The following PRKCQ variants were observed in gnomAD, a reference collection of about 807,000 sequenced individuals.
PRKCQ encodes protein kinase C theta type.
A neutral mutation model predicts 91.2 loss-of-function variants in PRKCQ; 41 were observed. That is an observed-to-expected ratio of 0.45 (90% CI 0.35 to 0.58). The LOEUF is 0.58. Among genes scored for constraint, PRKCQ ranks in the 20% least tolerant of loss-of-function variants. The pLI, the probability that PRKCQ is intolerant of heterozygous loss-of-function variation, is 0.00. For synonymous variants in PRKCQ, 307 were observed against 316.9 expected, an observed-to-expected ratio of 0.97 and a Z score of 0.33; for missense variants, 673 against 896.5, an observed-to-expected ratio of 0.75 and a Z score of 3.18.
intron 12 of PRKCQ, among the ~76,000 whole-genome samples, chr10:6,472,420 C>G (rs1836031908): frequency 6.6e-6 from 1 of 152,228 alleles, no homozygotes; most frequent in African/African-American, 2.4e-5. Context: ...TGTATTCACT[C>G]ATTGCCCGTT....
chr10:6,580,187 G>A (rs1288064307), intron 1 of PRKCQ, 24 bp downstream of exon 1: 1 of 152,962 alleles, frequency 6.5e-6, no homozygotes, highest in East Asian at 1.9e-4. Context: ...CCTCCCGGCG[G>A]CGGCGCGGGG....
At chr10:6,512,311 C>G (rs936907504) in intron 2 of PRKCQ, 1 of 152,234 alleles carries the variant, frequency 6.6e-6, no homozygotes, top group Non-Finnish European at 1.5e-5. Context: ...TGGTGCTGAT[C>G]TTTACCCATG....
At chr10:6,579,364 G>T (rs1461110347) in intron 1 of PRKCQ, among the ~76,000 whole-genome samples, 1 of 152,030 alleles carries the variant, frequency 6.6e-6, no homozygotes, top group Non-Finnish European at 1.5e-5. Flanking sequence ...CGTCCAGCCC[G>T]CACAGGGGCA....
intron 15 of PRKCQ, among the ~76,000 whole-genome samples, chr10:6,453,571 T>G (rs533023153): frequency 4.4e-4 from 67 of 152,300 alleles, no homozygotes; most frequent in African/African-American, 1.6e-3. Flanking sequence ...CATTACTGGG[T>G]ATATACCCAA....
chr10:6,454,872 A>G (rs1313624182), intron 15 of PRKCQ, among the ~76,000 whole-genome samples: 2 of 152,172 alleles, frequency 1.3e-5, no homozygotes, highest in Admixed American at 6.5e-5. Context: ...AGCACACGTA[A>G]AAGAAAAGAA....
intron 14 of PRKCQ, among the ~76,000 whole-genome samples, chr10:6,460,423 C>G (rs1389541017): frequency 6.6e-6 from 1 of 151,784 alleles, no homozygotes; most frequent in African/African-American, 2.4e-5. Context: ...CCCTTCCAGT[C>G]TAAGATCTCT....
At chr10:6,414,589 C>G in the PRKCQ span, among the ~76,000 whole-genome samples, 4 of 152,180 alleles carry the variant, frequency 2.6e-5, no homozygotes, top group East Asian at 7.7e-4. Context: ...AAGTATTGAA[C>G]ACATTAAGTC....
rs75610065 is a variant in PRKCQ, at chr10:6,430,298, C to A, written c.1965+512G>T. Among the ~76,000 whole-genome samples the A allele has an allele frequency of 0.027, 4,050 of 152,292 alleles. 88 individuals carry two copies. The highest frequency in any genetic ancestry group is 0.04 in the Non-Finnish European group (2,742 of 68,032). On this transcript the variant is annotated intron_variant, in intron 17 of 17. Coordinates refer to ENST00000263125, the MANE Select transcript of PRKCQ (RefSeq NM_006257.5). The surrounding 1 kb of genome is among the most constrained non-coding windows in gnomAD (Gnocchi z 4.7). Reference sequence around the variant, plus strand: ...GTACAGACCTATCTTTTTTAAAGCACGGATTTAGTTAGTTTCTCCCTTAAA... The same window carrying A: ...GTACAGACCTATCTTTTTTAAAGCAAGGATTTAGTTAGTTTCTCCCTTAAA...
chr10:6,405,104 C>T, the PRKCQ span, among the ~76,000 whole-genome samples: 1 of 152,034 alleles, frequency 6.6e-6, no homozygotes, highest in Non-Finnish European at 1.5e-5. Context: ...ACCTCAGCCT[C>T]CCAGATAGCT....
intron 9 of PRKCQ, 30 bp from the exon 10 acceptor site, chr10:6,485,299 C>A: frequency 2.6e-6 from 4 of 1,555,966 alleles, no homozygotes; most frequent in Non-Finnish European, 3.5e-6. Context: ...TCAGACCACC[C>A]ACCCACCCAC....
intron 8 of PRKCQ, among the ~76,000 whole-genome samples, chr10:6,489,715 G>A (rs996155554): frequency 6.6e-6 from 1 of 151,986 alleles, no homozygotes; most frequent in African/African-American, 2.4e-5. Context: ...GGCAGGGGAG[G>A]GAGAGGAGAG....
chr10:6,465,298 A>G lies in PRKCQ; in HGVS notation c.1354-894T>C, dbSNP rs1835589366. On this transcript the variant is annotated intron_variant, in intron 12 of 17. Coordinates refer to ENST00000263125, the MANE Select transcript of PRKCQ (RefSeq NM_006257.5). This position sits in a 1 kb window ranked among gnomAD's most constrained non-coding sequence, Gnocchi z 4.4. ...TCCTGACTTAACTCATGGCAGAGGC[A>G]AGCCACAGTTTATGACGGAGTTCTT... 6.6e-6 allele frequency among the ~76,000 whole-genome samples: 1 copy of G among 152,158 alleles called. No individual in the cohort carries two copies. Among genetic ancestry groups the G allele is most frequent in the African/African-American group, 2.4e-5 (1 of 41,434 alleles).
At chr10:6,502,185 G>A (rs957791671) in intron 4 of PRKCQ, among the ~76,000 whole-genome samples, 3 of 152,342 alleles carry the variant, frequency 2.0e-5, no homozygotes, top group Admixed American at 6.5e-5. Flanking sequence ...CAGAACAGAG[G>A]TATTCACAGG....
rs2130818401 is a variant in PRKCQ at position 6,497,046 on chromosome 10, G to A, written c.649C>T (p.Arg217Ter). Reference sequence around the variant, plus strand: ...GTGTAAATACTCACCATGGTTTCTCGGCTATTGATAGCTGATCCTGTGCAC... The same window carrying A: ...GTGTAAATACTCACCATGGTTTCTCAGCTATTGATAGCTGATCCTGTGCAC... Reference protein sequence around the residue: ...AKCTGSAINSRETMFHKERFK... With the variant: ...AKCTGSAINS Residue 217 changes from arginine (R) to a stop codon, truncating the protein, a stop_gained, in exon 7 of 18, where the codon CGA (arginine) becomes TGA (stop). Transcript: ENST00000263125. LOFTEE classifies it high-confidence loss of function. This position sits in a 1 kb window ranked among gnomAD's most constrained non-coding sequence, Gnocchi z 4.5. The A allele has an allele frequency of 1.9e-6, 3 of 1,612,354 alleles. No homozygotes were observed. The highest frequency in any genetic ancestry group is 2.5e-6 in the Non-Finnish European group (3 of 1,179,638).
intron 15 of PRKCQ, among the ~76,000 whole-genome samples, chr10:6,448,549 C>T (rs1164243203): frequency 2.0e-5 from 3 of 152,192 alleles, no homozygotes; most frequent in African/African-American, 7.2e-5. Context: ...GCTGGGATTA[C>T]AGGTACGTGC....
intron 1 of PRKCQ, among the ~76,000 whole-genome samples, chr10:6,547,483 T>C (rs1015969097): frequency 2.0e-5 from 3 of 152,032 alleles, no homozygotes; most frequent in African/African-American, 7.3e-5. Flanking sequence ...CTTCAAACTA[T>C]ACTACAGGCT....
intron 15 of PRKCQ, among the ~76,000 whole-genome samples, chr10:6,442,564 C>T (rs764098164): frequency 8.5e-5 from 13 of 152,204 alleles, no homozygotes; most frequent in Admixed American, 1.3e-4. Flanking sequence ...TTCCTTAAAG[C>T]CTTGCTATCT....
At position 6,571,765 on chromosome 10, in the gene PRKCQ, C is replaced by T. The variant is rs115863258; in HGVS notation, c.-10+8446G>A. Among the ~76,000 whole-genome samples the T allele has an allele frequency of 9.8e-3, 1,496 of 152,222 alleles. 31 individuals are homozygous for T. The highest frequency in any genetic ancestry group is 0.034 in the African/African-American group (1,405 of 41,506). ...GTTGCAGTGAGCCGAGATTGAGTCA[C>T]AGCACTCCAACCTGAGCAACAGAAC... On this transcript the variant is annotated intron_variant, in intron 1 of 17. Coordinates refer to ENST00000263125, the MANE Select transcript of PRKCQ (RefSeq NM_006257.5).
At chr10:6,502,828 G>C in intron 4 of PRKCQ, among the ~76,000 whole-genome samples, 1 of 152,294 alleles carries the variant, frequency 6.6e-6, no homozygotes, top group Middle Eastern at 3.4e-3. Context: ...AATTAAGTAC[G>C]ATAGTAAGTT....
Sources: gnomAD v4.1 joint callset for allele counts (sites outside exome capture counted in the v4.1 genomes callset) on GRCh38, gnomAD v4.1.1 for gene constraint, Gnocchi (gnomAD v3.1) non-coding constraint, MANE v1.5 for transcripts, NCBI Gene and HGNC (gene_info 2026-07-23, HGNC 2026-07-21) for gene names.